The following TMEM87A variants were observed in gnomAD, a reference collection of about 807,000 sequenced individuals.
The protein encoded by TMEM87A is Golgi-pH regulating cation channel.
TMEM87A carries 50 observed loss-of-function variants against 90.0 expected under a neutral mutation model. The ratio of observed to expected loss-of-function variants is 0.56; its 90% CI spans 0.44 to 0.70. The LOEUF (loss-of-function observed/expected upper bound fraction) is 0.70. Ranked by LOEUF, TMEM87A falls within the 30% of genes least tolerant of loss-of-function variation. The probability of loss-of-function intolerance (pLI) is 0.00; values close to 1 mark genes in which losing one functional copy is unlikely to be tolerated. For synonymous variants in TMEM87A, 226 were observed against 226.7 expected, an observed-to-expected ratio of 1.00 and a Z score of 0.03; for missense variants, 577 against 660.5, an observed-to-expected ratio of 0.87 and a Z score of 1.39.
At chr15:42,268,874 T>C (rs2051457510) in intron 2 of TMEM87A, among the ~76,000 whole-genome samples, 1 of 152,140 alleles carries the variant, frequency 6.6e-6, no homozygotes, top group South Asian at 2.1e-4. Context: ...AATGATGATA[T>C]ACATAATAGT....
In TMEM87A at chr15:42,264,161, T is replaced by C. The variant is rs1360258026; in HGVS notation, c.334A>G (p.Arg112Gly). Residue 112 changes from arginine (R) to glycine (G), a missense_variant, in exon 4 of 20, where the codon AGA (arginine) becomes GGA (glycine). Transcript: ENST00000389834. ...ELYLEKLKEK[R>G]GLSGKYQTSS... ...GTTTGATATTTCCCAGACAAGCCTCTTTTTTCCTTAAGTTTTTCCAAATAC... is the reference window on the plus strand; with the variant it reads ...GTTTGATATTTCCCAGACAAGCCTCCTTTTTCCTTAAGTTTTTCCAAATAC... The C allele has an allele frequency of 4.3e-6, 7 of 1,613,796 alleles. No individual in the cohort carries two copies. The South Asian group carries it at 6.6e-5, about 15-fold the overall frequency.
chr15:42,223,067 C>CA (rs917353668), intron 15 of TMEM87A, among the ~76,000 whole-genome samples: 5 of 152,064 alleles, frequency 3.3e-5, no homozygotes, highest in Admixed American at 6.5e-5. Flanking sequence ...TTAGAACAAA[C>CA]AAAATATTGG....
intron 6 of TMEM87A, chr15:42,258,781 C>T (rs1163254748): frequency 6.9e-7 from 1 of 1,441,406 alleles, no homozygotes; most frequent in Non-Finnish European, 9.1e-7. Flanking sequence ...GCCTAACTTA[C>T]ATTCAGTTAA....
intron 10 of TMEM87A, among the ~76,000 whole-genome samples, chr15:42,235,081 C>A (rs937738863): frequency 6.6e-6 from 1 of 152,148 alleles, no homozygotes; most frequent in African/African-American, 2.4e-5. Context: ...TTCTGTTACC[C>A]AGGCTAGAGT....
intron 6 of TMEM87A, among the ~76,000 whole-genome samples, chr15:42,245,854 T>A (rs374488277): frequency 1.3e-5 from 2 of 152,168 alleles, no homozygotes; most frequent in South Asian, 2.1e-4. Context: ...TTTTACATCC[T>A]CACAGCAGCC....
intron 11 of TMEM87A, among the ~76,000 whole-genome samples, chr15:42,232,418 TG>T (rs1317137609): frequency 2.0e-5 from 3 of 152,196 alleles, no homozygotes; most frequent in Admixed American, 2.0e-4. Flanking sequence ...TTTCCTTCCC[TG>T]GCAAAGGGAA....
At position 42,233,264 on chromosome 15, in the gene TMEM87A, T is replaced by G. The variant is rs1238504348; in HGVS notation, c.1011A>C (p.Gly337=). The G allele has an allele frequency of 2.5e-6, 4 of 1,613,886 alleles. No individual in the cohort carries two copies. Among genetic ancestry groups the G allele is most frequent in the Non-Finnish European group, 3.4e-6 (4 of 1,180,016 alleles). The change falls in exon 11 of 20, where the codon GGA becomes GGC. Residue 337 remains glycine, a synonymous_variant. Transcript: ENST00000389834. ...TGCCAGAGAACAAAAGATAGAGGGC[T>G]CCTGCTACTACAACCTTATGAAGAG... ...GVTLHKVVVA[G]ALYLLFSGME...
At chr15:42,248,731 G>A (rs2051026802) in intron 6 of TMEM87A, among the ~76,000 whole-genome samples, 1 of 152,090 alleles carries the variant, frequency 6.6e-6, no homozygotes, top group South Asian at 2.1e-4. Flanking sequence ...CGGGGATAGT[G>A]GTCTAAAATT....
At chr15:42,259,109 G>C in intron 6 of TMEM87A, 79 of 649,946 alleles carry the variant, frequency 1.2e-4, no homozygotes, top group South Asian at 1.8e-5. Flanking sequence ...CAACAGCTTA[G>C]CAGCCACTAG....
At chr15:42,273,081 G>A in intron 1 of TMEM87A, 174 bp downstream of exon 1, 4 of 752,376 alleles carry the variant, frequency 5.3e-6, no homozygotes, top group South Asian at 1.7e-5. Flanking sequence ...AATCACAGAA[G>A]TGCGCGGCTT....
chr15:42,241,189 A>G (rs1384653817), intron 7 of TMEM87A, among the ~76,000 whole-genome samples: 1 of 152,240 alleles, frequency 6.6e-6, no homozygotes, highest in Non-Finnish European at 1.5e-5. Flanking sequence ...ATTATTTGAC[A>G]GGCCTATGGA....
rs1158382710 is a variant in TMEM87A at position 42,264,168 on chromosome 15, C to T, written c.327G>A (p.Lys109=). 1 of 1,613,390 alleles carries T rather than the reference C, an allele frequency of 6.2e-7. No individual in the cohort carries two copies. Among genetic ancestry groups the T allele is most frequent in the Non-Finnish European group, 8.5e-7 (1 of 1,179,772 alleles). ...EEVELYLEKL[K]EKRGLSGKYQ... is the part of the protein sequence containing the mutation. ...ATTTCCCAGACAAGCCTCTTTTTTCCTTAAGTTTTTCCAAATACAACTCTA... is the reference window on the plus strand; with the variant it reads ...ATTTCCCAGACAAGCCTCTTTTTTCTTTAAGTTTTTCCAAATACAACTCTA... The change falls in exon 4 of 20, where the codon AAG becomes AAA. Residue 109 remains lysine, a synonymous_variant. Coordinates refer to ENST00000389834, the MANE Select transcript of TMEM87A (RefSeq NM_015497.5).
intron 8 of TMEM87A, among the ~76,000 whole-genome samples, chr15:42,238,545 G>A (rs938912434): frequency 6.6e-6 from 1 of 152,010 alleles, no homozygotes; most frequent in Admixed American, 6.6e-5. Context: ...ACTCCAGTCT[G>A]GGTGACAGAG....
intron 6 of TMEM87A, among the ~76,000 whole-genome samples, chr15:42,249,598 G>A (rs2051045589): frequency 6.6e-6 from 1 of 152,230 alleles, no homozygotes; most frequent in African/African-American, 2.4e-5. Context: ...GGTTTTGAGT[G>A]AGTTTCTTAA....
intron 6 of TMEM87A, chr15:42,258,700 T>C: frequency 8.1e-7 from 1 of 1,229,638 alleles, no homozygotes; most frequent in Non-Finnish European, 1.0e-6. Flanking sequence ...GTGTTGGCAT[T>C]ACAGGCGTGA....
chr15:42,222,058 TG>T (rs1162314860), intron 15 of TMEM87A, among the ~76,000 whole-genome samples: 3 of 151,704 alleles, frequency 2.0e-5, no homozygotes, highest in South Asian at 4.1e-4. Flanking sequence ...CCTGGCCAAA[TG>T]TTTTTTTGGT....
intron 6 of TMEM87A, among the ~76,000 whole-genome samples, chr15:42,256,415 A>G (rs185622039): frequency 3.0e-4 from 46 of 152,364 alleles, no homozygotes; most frequent in African/African-American, 1.1e-3. Flanking sequence ...TGCTGAGATT[A>G]CCACTGAACC....
Position 42,266,767 on chromosome 15 carries a change from G to A in TMEM87A, c.291+1180C>T, listed in dbSNP as rs2051415038. Among the ~76,000 whole-genome samples the A allele has an allele frequency of 2.0e-5, 3 of 152,044 alleles. No individual in the cohort carries two copies. The South Asian group carries it at 6.2e-4, about 32-fold the overall frequency. On this transcript the variant is annotated intron_variant, in intron 3 of 19. Transcript: ENST00000389834. ...TTAAATCTGGACCTTTTGAGTACCT[G>A]ACTTTTTAAATAATCTAGGTGACAA...
chr15:42,233,937 ATTT>A (rs11285848), intron 10 of TMEM87A, among the ~76,000 whole-genome samples: 2 of 139,886 alleles, frequency 1.4e-5, no homozygotes, highest in African/African-American at 2.6e-5. Context: ...CACCAGGCTA[ATTT>A]TTTTTTTTTT....
Sources: gnomAD v4.1 joint callset for allele counts (sites outside exome capture counted in the v4.1 genomes callset) on GRCh38, gnomAD v4.1.1 for gene constraint, MANE v1.5 for transcripts, NCBI Gene and HGNC (gene_info 2026-07-23, HGNC 2026-07-21) for gene names.